The following SCAF11 variants were observed in gnomAD, a reference collection of about 807,000 sequenced individuals.
The protein encoded by SCAF11 is SR-related CTD associated factor 11, also known as protein SCAF11.
A neutral mutation model predicts 140.5 loss-of-function variants in SCAF11; 47 were observed. The observed-to-expected ratio is 0.33, with a 90% confidence interval of 0.26 to 0.43. SCAF11 has a LOEUF of 0.43. Among genes scored for constraint, SCAF11 ranks in the 20% least tolerant of loss-of-function variants. SCAF11 has a pLI of 1.00. For synonymous variants in SCAF11, 557 were observed against 579.4 expected (o/e 0.96, Z 0.55); for missense variants, 1,645 against 1,705.1 (o/e 0.96, Z 0.62).
chr12:45,923,401 C>T (rs1944763467), intron 12 of SCAF11, among the ~76,000 whole-genome samples: 1 of 152,046 alleles, frequency 6.6e-6, no homozygotes. Flanking sequence ...AACATTTTGA[C>T]AGCAATACTA....
At chr12:45,942,962 T>C (rs1487753728) in intron 6 of SCAF11, among the ~76,000 whole-genome samples, 1 of 145,808 alleles carries the variant, frequency 6.9e-6, no homozygotes, top group Admixed American at 6.6e-5. Context: ...TTGTTAAATG[T>C]ATGAGTGATC....
chr12:45,928,424 T>C lies in SCAF11; in HGVS notation c.1277A>G (p.Asp426Gly), dbSNP rs1328315334. 4.3e-6 allele frequency: 7 copies of C among 1,613,024 alleles called. No individual in the cohort carries two copies. In the South Asian group the frequency reaches 7.7e-5, roughly 18 times the overall value. ...SPVLEKEHQP[D>G]VDSSNICTVQ... ...AGTACAAATGTTACTACTGTCTACA[T>C]CTGGTTGGTGCTCTTTTTCTAACAC... is the stretch of plus-strand genomic sequence containing the variant. The change falls in exon 11 of 15, where the codon GAT becomes GGT. Residue 426 changes from aspartate to glycine, a missense_variant. Coordinates refer to ENST00000369367, the MANE Select transcript of SCAF11 (RefSeq NM_004719.3).
intron 6 of SCAF11, among the ~76,000 whole-genome samples, chr12:45,938,834 G>C (rs1205463191): frequency 6.7e-6 from 1 of 148,972 alleles, no homozygotes; most frequent in African/African-American, 2.5e-5. Flanking sequence ...GATCTAGTAT[G>C]TACTTAAAGA....
chr12:45,928,925 G>T, intron 10 of SCAF11, 66 bp from the exon 11 acceptor site: 1 of 981,712 alleles, frequency 1.0e-6, no homozygotes. Context: ...TTTGGCTTTA[G>T]CTAATTTTAG....
chr12:45,932,177 C>T (rs1945060794), intron 9 of SCAF11, among the ~76,000 whole-genome samples: 1 of 151,996 alleles, frequency 6.6e-6, no homozygotes, highest in Non-Finnish European at 1.5e-5. Flanking sequence ...TGATTTATAC[C>T]ACTATGTTAT....
intron 1 of SCAF11, among the ~76,000 whole-genome samples, chr12:45,983,720 TCTGA>T (rs1206868402): frequency 6.9e-5 from 10 of 145,972 alleles, no homozygotes; most frequent in African/African-American, 2.5e-4. Context: ...CAAAACCAGG[TCTGA>T]CTGACTCCTA....
intron 3 of SCAF11, chr12:45,961,181 A>G: frequency 3.4e-6 from 2 of 594,208 alleles, no homozygotes; most frequent in Admixed American, 6.0e-5. Flanking sequence ...TCTGCCTCTT[A>G]AACTATGAGA....
Position 45,978,743 on chromosome 12 carries a change from A to G in SCAF11, c.-22+11610T>C, listed in dbSNP as rs562290296. On this transcript the variant is annotated intron_variant, in intron 1 of 14. Coordinates refer to ENST00000369367, the MANE Select transcript of SCAF11 (RefSeq NM_004719.3). Reference sequence around the variant, plus strand: ...CTTCAACACTTGGTGTACCCTGGAAAGACTTCTGAGCAGAAATGACAATGC... The same window carrying G: ...CTTCAACACTTGGTGTACCCTGGAAGGACTTCTGAGCAGAAATGACAATGC... Among the ~76,000 whole-genome samples, 4 of 152,292 alleles carry G rather than the reference A, an allele frequency of 2.6e-5. No homozygotes were observed. In the East Asian group the frequency reaches 5.8e-4, roughly 22 times the overall value.
At chr12:45,943,798 T>C (rs1326760603) in intron 6 of SCAF11, among the ~76,000 whole-genome samples, 1 of 152,192 alleles carries the variant, frequency 6.6e-6, no homozygotes, top group East Asian at 1.9e-4. Context: ...GCATCTTAAG[T>C]AGATACAGCA....
chr12:45,921,730 G>T lies in SCAF11; in HGVS notation c.*318C>A. On this transcript the variant is annotated 3_prime_UTR_variant, in exon 15 of 15. Transcript: ENST00000369367. Reference sequence around the variant, plus strand: ...GTGCACTTAGAAGTTTCTAATTTATGCACTCCATTGCCCTAATCAAAAAGC... The same window carrying T: ...GTGCACTTAGAAGTTTCTAATTTATTCACTCCATTGCCCTAATCAAAAAGC... 5.4e-6 allele frequency: 1 copy of T among 186,906 alleles called. No homozygotes were observed. The allele number at this position is 186,906 out of a possible 1,614,324, so 11.6% of individuals were successfully genotyped here.
intron 1 of SCAF11, among the ~76,000 whole-genome samples, chr12:45,985,664 A>C (rs554900693): frequency 6.6e-6 from 1 of 152,358 alleles, no homozygotes; most frequent in South Asian, 2.1e-4. Context: ...AATGTATGTA[A>C]AATGTCTACA....
At chr12:45,950,094 A>C (rs1945515371) in intron 4 of SCAF11, among the ~76,000 whole-genome samples, 1 of 152,194 alleles carries the variant, frequency 6.6e-6, no homozygotes, top group East Asian at 1.9e-4. Flanking sequence ...TAGAAGCCGA[A>C]GGAATTAGAG....
chr12:45,976,289 A>C (rs1213247303), intron 1 of SCAF11, among the ~76,000 whole-genome samples: 1 of 152,150 alleles, frequency 6.6e-6, no homozygotes, highest in Non-Finnish European at 1.5e-5. Flanking sequence ...GTGTCGTTCC[A>C]CCTTCATTTC....
chr12:45,961,987 T>C (rs1945844651), intron 2 of SCAF11, 130 bp from the exon 3 acceptor site: 1 of 555,620 alleles, frequency 1.8e-6, no homozygotes. Context: ...TTAGATAAAT[T>C]ATAGCAAACA....
At chr12:45,991,884 C>T, upstream of SCAF11, 1 of 1,285,880 alleles carries the variant, frequency 7.8e-7, no homozygotes, top group South Asian at 1.3e-5. Flanking sequence ...GCGCGGCTCA[C>T]CCAGGTCCCA....
intron 6 of SCAF11, among the ~76,000 whole-genome samples, chr12:45,937,629 ATTATCT>A (rs1304344120): frequency 6.6e-6 from 1 of 152,204 alleles, no homozygotes; most frequent in African/African-American, 2.4e-5. Context: ...CTCAAATGAC[ATTATCT>A]TTAAGTCTTT....
intron 3 of SCAF11, among the ~76,000 whole-genome samples, chr12:45,959,328 A>G (rs1461879579): frequency 6.6e-6 from 1 of 152,184 alleles, no homozygotes; most frequent in Non-Finnish European, 1.5e-5. Context: ...CCAATTTTTT[A>G]AAAAGATTTT....
intron 1 of SCAF11, among the ~76,000 whole-genome samples, chr12:45,973,190 C>CA (rs1388479497): frequency 6.7e-6 from 1 of 149,840 alleles, no homozygotes; most frequent in Admixed American, 6.6e-5. Flanking sequence ...ATAGACTCAA[C>CA]AGAAGAATGG....
Position 45,927,667 on chromosome 12 carries a change from T to G in SCAF11, c.2034A>C (p.Glu678Asp). 1 of 1,612,232 alleles carries G rather than the reference T, an allele frequency of 6.2e-7. No homozygotes were observed. Among genetic ancestry groups the G allele is most frequent in the South Asian group, 1.1e-5 (1 of 91,078 alleles). Residue 678 changes from glutamate (E) to aspartate (D), a missense_variant, in exon 11 of 15, where the codon GAA becomes GAC. Coordinates refer to ENST00000369367, the MANE Select transcript of SCAF11 (RefSeq NM_004719.3). ...LKNNLLNTKL[E>D]KSLEEKNESL... ...ATTCATTCTTTTCTTCTAAAGATTT[T>G]TCCAATTTGGTGTTCAGAAGATTAT... is the stretch of plus-strand genomic sequence containing the variant.
Sources: allele counts gnomAD v4.1 joint callset (sites outside exome capture counted in the v4.1 genomes callset), GRCh38; gene constraint gnomAD v4.1.1; transcripts MANE v1.5; gene names NCBI Gene and HGNC (gene_info 2026-07-23, HGNC 2026-07-21).